Variants in SAR1B observed in about 807,000 individuals in gnomAD.
SAR1B encodes small COPII coat GTPase SAR1B.
A neutral mutation model predicts 26.8 loss-of-function variants in SAR1B; 23 were observed. The ratio of observed to expected loss-of-function variants is 0.86; its 90% CI spans 0.62 to 1.22. The LOEUF (loss-of-function observed/expected upper bound fraction) is 1.22. Ranked by LOEUF, SAR1B falls within the 50% of genes most tolerant of loss-of-function variation. The pLI is 0.00. For missense variants in SAR1B, 196 were observed against 232.8 expected, an observed-to-expected ratio of 0.84 and a Z score of 1.03; for synonymous variants, 65 against 80.8, an observed-to-expected ratio of 0.80 and a Z score of 1.05.
At chr5:134,629,611 C>T (rs1391629108) in intron 1 of SAR1B, among the ~76,000 whole-genome samples, 2 of 151,830 alleles carry the variant, frequency 1.3e-5, no homozygotes, top group Admixed American at 6.6e-5. Flanking sequence ...GCAGGAGAAT[C>T]GCTTGAACCT....
At position 134,624,720 on chromosome 5, in the gene SAR1B, C is replaced by T. The variant is rs377430390; in HGVS notation, c.-18-683G>A. Among the ~76,000 whole-genome samples the T allele has an allele frequency of 2.3e-4, 35 of 151,100 alleles. No homozygotes were observed. The South Asian group carries it at 7.1e-3, about 31-fold the overall frequency. ...TCAGCTCACTGAAAGCTTCTCCTCC[C>T]AGGTTCAAGCGATCCTTCTGCCTCA... On this transcript the variant is annotated intron_variant, in intron 1 of 6. Transcript: ENST00000402673.
intron 1 of SAR1B, among the ~76,000 whole-genome samples, chr5:134,630,444 G>A (rs1489190690): frequency 9.0e-6 from 1 of 111,416 alleles, no homozygotes; most frequent in African/African-American, 3.6e-5. Context: ...CAACAAGAGC[G>A]AAACTCTATC....
chr5:134,632,404 C>G (rs1178501222), intron 1 of SAR1B, among the ~76,000 whole-genome samples: 1 of 152,094 alleles, frequency 6.6e-6, no homozygotes, highest in Non-Finnish European at 1.5e-5. Context: ...GTCAGTGAGA[C>G]CCGCCACCTT....
intron 1 of SAR1B, among the ~76,000 whole-genome samples, chr5:134,628,432 G>T (rs1378987093): frequency 6.6e-6 from 1 of 152,088 alleles, no homozygotes; most frequent in Non-Finnish European, 1.5e-5. Context: ...TATGACATCA[G>T]AGTATGATTG....
intron 4 of SAR1B, among the ~76,000 whole-genome samples, chr5:134,611,195 G>A (rs1765207262): frequency 6.6e-6 from 1 of 152,152 alleles, no homozygotes; most frequent in Non-Finnish European, 1.5e-5. Context: ...ACATAGAAAT[G>A]AAGTCTCAGA....
chr5:134,609,258 A>T, intron 5 of SAR1B: 1 of 428,218 alleles, frequency 2.3e-6, no homozygotes, highest in East Asian at 5.5e-5. Flanking sequence ...ATGACCAGGG[A>T]CTCAAGATCA....
At chr5:134,624,116 C>A (rs1315971680) in intron 1 of SAR1B, 79 bp from the exon 2 acceptor site, 14 of 819,696 alleles carry the variant, frequency 1.7e-5, no homozygotes, top group Non-Finnish European at 3.0e-5. Flanking sequence ...TAAACACCAA[C>A]TCTGAGTAGA....
At chr5:134,611,728 G>C (rs1765217292) in intron 4 of SAR1B, among the ~76,000 whole-genome samples, 1 of 152,136 alleles carries the variant, frequency 6.6e-6, no homozygotes, top group African/African-American at 2.4e-5. Flanking sequence ...GCTTCCCAAG[G>C]GAGGTAGCAG....
chr5:134,620,849 G>T, intron 3 of SAR1B, 84 bp downstream of exon 3: 1 of 1,501,498 alleles, frequency 6.7e-7, no homozygotes, highest in South Asian at 1.1e-5. Context: ...GAAAGACCCT[G>T]TCTGAAACAA....
At chr5:134,610,714 A>G (rs1024146729) in intron 4 of SAR1B, among the ~76,000 whole-genome samples, 1 of 151,972 alleles carries the variant, frequency 6.6e-6, no homozygotes, top group Non-Finnish European at 1.5e-5. Context: ...AGCCTGGGAG[A>G]CAGAACCAGA....
chr5:134,614,996 C>T (rs1004825141), intron 3 of SAR1B: 2 of 152,104 alleles, frequency 1.3e-5, no homozygotes, highest in African/African-American at 2.4e-5. Flanking sequence ...CACAAGTGCC[C>T]CATAATGACA....
intron 4 of SAR1B, among the ~76,000 whole-genome samples, chr5:134,609,932 TAAAATA>T (rs1485245724): frequency 6.7e-6 from 1 of 150,318 alleles, no homozygotes; most frequent in South Asian, 2.1e-4. Context: ...GTAGAATATT[TAAAATA>T]AAAATAAAAA....
intron 5 of SAR1B, 96 bp downstream of exon 5, chr5:134,609,475 G>A: frequency 1.1e-6 from 1 of 945,958 alleles, no homozygotes; most frequent in South Asian, 1.4e-5. Flanking sequence ...ATCAGAGACT[G>A]CAGAAAAGCT....
At position 134,609,598 on chromosome 5, in the gene SAR1B, C is replaced by A; in HGVS notation, c.321G>T (p.Arg107Ser). 2 of 1,614,072 alleles carry A rather than the reference C, an allele frequency of 1.2e-6. No homozygotes were observed. Among genetic ancestry groups the A allele is most frequent in the South Asian group, 2.2e-5 (2 of 91,084 alleles). ...CAAGTTCTTCTTTTGACTCTAACAG[C>A]CTTTCGTGGTCTGCACAATCCACCA... ...VFLVDCADHE[R>S]LLESKEELDS... Residue 107 changes from arginine (R) to serine (S), a missense_variant, in exon 5 of 7, where the codon AGG (arginine) becomes AGT (serine). Physicochemically the swap from Arg to Ser is moderately radical, Grantham distance 110. Transcript: ENST00000402673.
In SAR1B at chr5:134,601,355, T is replaced by C. The variant is rs895815297; in HGVS notation, c.*5595A>G. ...TATCCTTAATAATCTGTATACACTGTAAAACAATTGAAAATTCACACCAAG... is the reference window on the plus strand; with the variant it reads ...TATCCTTAATAATCTGTATACACTGCAAAACAATTGAAAATTCACACCAAG... On this transcript the variant is annotated 3_prime_UTR_variant, in exon 7 of 7. Coordinates refer to ENST00000402673, the MANE Select transcript of SAR1B (RefSeq NM_016103.4). 6.6e-6 allele frequency: 1 copy of C among 152,138 alleles called. No individual in the cohort carries two copies. Among genetic ancestry groups the C allele is most frequent in the African/African-American group, 2.4e-5 (1 of 41,438 alleles). The allele number at this position is 152,138 out of a possible 1,614,324, so 9.4% of individuals were successfully genotyped here. A position where few individuals can be genotyped will look rare whatever the true frequency, so the allele number is the denominator to read the frequency against.
Position 134,608,267 on chromosome 5 carries a change from T to G in SAR1B, c.480+105A>C, listed in dbSNP as rs1193916795. On this transcript the variant is annotated intron_variant, in intron 6 of 6. Coordinates refer to ENST00000402673, the MANE Select transcript of SAR1B (RefSeq NM_016103.4). ...CCACAGGTATAAATGACAGTTTTCT[T>G]TAAGAAAATGATAATGGGCTTGTAT... 3.2e-6 allele frequency: 4 copies of G among 1,235,928 alleles called. No homozygotes were observed. The Admixed American group carries it at 8.9e-5, about 27-fold the overall frequency. 76.6% of individuals were successfully genotyped at this position (1,235,928 alleles called of 1,614,324 possible).
chr5:134,607,601 C>A (rs757627997), intron 6 of SAR1B, among the ~76,000 whole-genome samples: 18 of 151,870 alleles, frequency 1.2e-4, no homozygotes, highest in Non-Finnish European at 2.2e-4. Context: ...GGAGAAACCC[C>A]GTCTCTACCA....
rs1765105202 is a variant in SAR1B at position 134,605,075 on chromosome 5, A to G, written c.*1875T>C. 1 of 152,258 alleles carries G rather than the reference A, an allele frequency of 6.6e-6. No individual in the cohort carries two copies. The highest frequency in any genetic ancestry group is 1.5e-5 in the Non-Finnish European group (1 of 68,050). 9.4% of individuals were successfully genotyped at this position (152,258 alleles called of 1,614,324 possible). A position where few individuals can be genotyped will look rare whatever the true frequency, so the allele number is the denominator to read the frequency against. On this transcript the variant is annotated 3_prime_UTR_variant, in exon 7 of 7. Coordinates refer to ENST00000402673, the MANE Select transcript of SAR1B (RefSeq NM_016103.4). Reference sequence around the variant, plus strand: ...ATGAAAGTGAAAACAGAATAGTCAGATTACTGAAACCAAATGTCATCTTAA... The same window carrying G: ...ATGAAAGTGAAAACAGAATAGTCAGGTTACTGAAACCAAATGTCATCTTAA...
At chr5:134,624,504 G>A (rs1008351064) in intron 1 of SAR1B, among the ~76,000 whole-genome samples, 1 of 152,078 alleles carries the variant, frequency 6.6e-6, no homozygotes, top group African/African-American at 2.4e-5. Flanking sequence ...CAGGGTGACA[G>A]TAAATGGGAT....
Sources: allele counts gnomAD v4.1 joint callset (sites outside exome capture counted in the v4.1 genomes callset), GRCh38; gene constraint gnomAD v4.1.1; transcripts MANE v1.5; gene names NCBI Gene and HGNC (gene_info 2026-07-23, HGNC 2026-07-21).